Variants in IPO8 observed in about 807,000 individuals in gnomAD.
IPO8 encodes importin 8, also known as importin-8.
In IPO8, 65 loss-of-function variants were observed where a neutral mutation model predicts 141.2. That is an observed-to-expected ratio of 0.46 (90% CI 0.38 to 0.57). IPO8 has a LOEUF of 0.57. IPO8 is among the 20% of genes least tolerant of loss of function. The pLI, the probability that IPO8 is intolerant of heterozygous loss-of-function variation, is 0.00. For missense variants in IPO8, 980 were observed against 1,246.8 expected (o/e 0.79, Z 3.22); for synonymous variants, 411 against 420.3 (o/e 0.98, Z 0.27).
chr12:30,690,602 T>C (rs1233645520), intron 1 of IPO8, 25 bp from the exon 2 acceptor site: 3 of 1,311,516 alleles, frequency 2.3e-6, no homozygotes, highest in South Asian at 1.3e-5. Context: ...AAATGTTTTA[T>C]AAAATAGGGC....
chr12:30,662,844 G>A (rs554492645), intron 14 of IPO8, among the ~76,000 whole-genome samples: 2 of 152,202 alleles, frequency 1.3e-5, no homozygotes, highest in South Asian at 4.2e-4. Flanking sequence ...AATCATGTAC[G>A]TGAAGACTAT....
intron 8 of IPO8, among the ~76,000 whole-genome samples, chr12:30,671,707 A>G (rs756042887): frequency 1.5e-4 from 22 of 151,032 alleles, no homozygotes; most frequent in Non-Finnish European, 3.0e-4. Context: ...AAAAATTACA[A>G]TAACAGATCT....
At chr12:30,655,590 GA>G (rs2052788176) in intron 17 of IPO8, among the ~76,000 whole-genome samples, 2 of 152,224 alleles carry the variant, frequency 1.3e-5, no homozygotes, top group Non-Finnish European at 2.9e-5. Context: ...ATGAGTTTGA[GA>G]TCTTGTGGTA....
In IPO8 at chr12:30,647,885, T is replaced by C. The variant is rs369698502; in HGVS notation, c.2268+1252A>G. ...AAAAGGCTAATCAGTACATGAAACA[T>C]GCTCAAGATCATTAGCCATCATAAA... On this transcript the variant is annotated intron_variant, in intron 20 of 24. Transcript: ENST00000256079. 4.6e-5 allele frequency among the ~76,000 whole-genome samples: 7 copies of C among 152,254 alleles called. No homozygotes were observed. The South Asian group carries it at 1.2e-3, about 27-fold the overall frequency.
chr12:30,642,213 A>G (rs2052584243), intron 20 of IPO8, among the ~76,000 whole-genome samples: 3 of 151,240 alleles, frequency 2.0e-5, no homozygotes, highest in African/African-American at 7.3e-5. Flanking sequence ...AAAAAAACAG[A>G]AAAAAAAATC....
chr12:30,657,069 T>C (rs1417925027), intron 16 of IPO8, among the ~76,000 whole-genome samples: 3 of 151,782 alleles, frequency 2.0e-5, no homozygotes, highest in Non-Finnish European at 4.4e-5. Flanking sequence ...TATTGTATAA[T>C]CCTGAAAAGG....
At chr12:30,654,809 A>G (rs2052776806) in intron 17 of IPO8, among the ~76,000 whole-genome samples, 1 of 152,144 alleles carries the variant, frequency 6.6e-6, no homozygotes, top group Admixed American at 6.5e-5. Context: ...CAAAAAATTA[A>G]AGATAGAACT....
At chr12:30,684,838 C>T (rs1384246016) in intron 2 of IPO8, among the ~76,000 whole-genome samples, 4 of 151,938 alleles carry the variant, frequency 2.6e-5, no homozygotes. Flanking sequence ...TTTTTGTTTT[C>T]CCACTGGCTA....
chr12:30,631,197 G>C (rs1009909051), intron 24 of IPO8, among the ~76,000 whole-genome samples: 1 of 152,166 alleles, frequency 6.6e-6, no homozygotes, highest in Non-Finnish European at 1.5e-5. Context: ...ACACGTCTCA[G>C]AGGTGGATTC....
chr12:30,664,417 T>C (rs2052932709), intron 13 of IPO8, among the ~76,000 whole-genome samples: 1 of 152,244 alleles, frequency 6.6e-6, no homozygotes, highest in Non-Finnish European at 1.5e-5. Flanking sequence ...TAAAGAGAAA[T>C]GCTAGGCTCT....
chr12:30,656,845 A>G, intron 16 of IPO8, 95 bp from the exon 17 acceptor site: 1 of 571,840 alleles, frequency 1.7e-6, no homozygotes. Flanking sequence ...GACATTTTTG[A>G]GACGGTAACT....
intron 20 of IPO8, among the ~76,000 whole-genome samples, chr12:30,645,909 T>G (rs1008092404): frequency 9.2e-5 from 14 of 151,390 alleles, no homozygotes; most frequent in African/African-American, 3.2e-4. Context: ...TAGGCCCAGA[T>G]AGTTTCACTG....
intron 3 of IPO8, among the ~76,000 whole-genome samples, 170 bp downstream of exon 3, chr12:30,684,131 T>C (rs2053216135): frequency 6.6e-6 from 1 of 152,202 alleles, no homozygotes; most frequent in Non-Finnish European, 1.5e-5. Flanking sequence ...GGCAAAGAAT[T>C]ACAAATGCAA....
chr12:30,640,352 T>C (rs2052559462), intron 20 of IPO8, among the ~76,000 whole-genome samples: 1 of 152,138 alleles, frequency 6.6e-6, no homozygotes, highest in South Asian at 2.1e-4. Context: ...TCTGAGGTCT[T>C]ACTATAAGCC....
chr12:30,685,613 A>AT (rs2053233562), intron 2 of IPO8, among the ~76,000 whole-genome samples: 1 of 150,782 alleles, frequency 6.6e-6, no homozygotes, highest in Non-Finnish European at 1.5e-5. Context: ...CTCTTTCTTC[A>AT]CCCAACTTTT....
chr12:30,680,775 T>C (rs1181427282), intron 4 of IPO8, 137 bp from the exon 5 acceptor site: 18 of 648,436 alleles, frequency 2.8e-5, no homozygotes, highest in Non-Finnish European at 4.2e-5. Flanking sequence ...TTTGTTTGAA[T>C]TGCTAGAATT....
At position 30,695,524 on chromosome 12, in the gene IPO8, C is replaced by G. The variant is rs984836810; in HGVS notation, c.84+40G>C. 1 of 1,578,732 alleles carries G rather than the reference C, an allele frequency of 6.3e-7. No homozygotes were observed. The highest frequency in any genetic ancestry group is 1.4e-5 in the African/African-American group (1 of 74,046). On this transcript the variant is annotated intron_variant, in intron 1 of 24. Transcript: ENST00000256079. The surrounding 1 kb of genome is among the most constrained non-coding windows in gnomAD (Gnocchi z 4.2). ...GAGCCCGGCCAGCCGGCAGGGGCGC[C>G]CCTTCGGCGGAAGAGGGTCGCCGAA...
chr12:30,681,945 G>A (rs1036898583), intron 3 of IPO8, 128 bp from the exon 4 acceptor site: 20 of 683,264 alleles, frequency 2.9e-5, no homozygotes, highest in Non-Finnish European at 4.4e-5. Context: ...CATATGTGGG[G>A]TAGGGGAAAA....
intron 16 of IPO8, among the ~76,000 whole-genome samples, chr12:30,657,892 G>A (rs6487926): frequency 0.65 from 98,471 of 151,838 alleles, 33,313 homozygotes; most frequent in African/African-American, 0.84. Context: ...AGAAGGACCC[G>A]AAAACCTGGT....
Sources: allele counts gnomAD v4.1 joint callset (sites outside exome capture counted in the v4.1 genomes callset), GRCh38; gene constraint gnomAD v4.1.1; non-coding constraint Gnocchi (gnomAD v3.1); transcripts MANE v1.5; gene names NCBI Gene and HGNC (gene_info 2026-07-23, HGNC 2026-07-21).